The following DNAI2 variants were observed in gnomAD, a reference collection of about 807,000 sequenced individuals.
DNAI2 encodes dynein axonemal intermediate chain 2.
DNAI2 carries 63 observed loss-of-function variants against 74.7 expected under a neutral mutation model. The observed-to-expected ratio is 0.84, with a 90% CI of 0.69 to 1.04. The LOEUF is 1.04. Among genes scored for constraint, DNAI2 ranks in the 50% least tolerant of loss-of-function variants. DNAI2 has a pLI of 0.00. For missense variants in DNAI2, 688 were observed against 803.2 expected, an observed-to-expected ratio of 0.86 and a Z score of 1.73; for synonymous variants, 289 against 314.9, an observed-to-expected ratio of 0.92 and a Z score of 0.87.
chr17:74,292,415 C>CTTTTTTTTTTTTTTTTTTTTT (rs56013644), intron 6 of DNAI2, among the ~76,000 whole-genome samples: 1 of 112,922 alleles, frequency 8.9e-6, no homozygotes, highest in African/African-American at 3.4e-5. Context: ...TTTTCTTTTT[C>CTTTTTTTTTTTTTTTTTTTTT]TTTTTTTTTT....
chr17:74,296,107 T>C (rs759296220), intron 6 of DNAI2, among the ~76,000 whole-genome samples: 3 of 152,196 alleles, frequency 2.0e-5, no homozygotes, highest in Admixed American at 6.5e-5. Flanking sequence ...CCCAGGAATA[T>C]GTCAGATCTT....
intron 1 of DNAI2, among the ~76,000 whole-genome samples, chr17:74,280,842 T>C (rs1360312335): frequency 2.0e-5 from 3 of 151,948 alleles, no homozygotes; most frequent in Non-Finnish European, 4.4e-5. Flanking sequence ...ATCCCAGCAC[T>C]TTGGGAGGCT....
rs868645915 is a variant in DNAI2, at chr17:74,305,371, C to T, written c.1140C>T (p.Phe380=). ...GAAACCCCTTCTACCCGAAGAACTT[C>T]CTGACGGTTGGCGACTGGACAGCCC... is the stretch of plus-strand genomic sequence containing the variant. ...LQRNPFYPKN[F]LTVGDWTARI... Residue 380 remains phenylalanine (F), a synonymous_variant, in exon 9 of 14, where the codon TTC becomes TTT. Transcript: ENST00000311014. The T allele has an allele frequency of 3.1e-6, 5 of 1,614,192 alleles. No individual in the cohort carries two copies. Among genetic ancestry groups the T allele is most frequent in the Non-Finnish European group, 3.4e-6 (4 of 1,180,036 alleles).
intron 3 of DNAI2, 21 bp from the exon 4 acceptor site, chr17:74,286,956 C>A (rs753955995): frequency 6.2e-7 from 1 of 1,613,686 alleles, no homozygotes; most frequent in Non-Finnish European, 8.5e-7. Flanking sequence ...CTGCGGAGAA[C>A]TTCCAATGTG....
In DNAI2 at chr17:74,310,040, C is replaced by T. The variant is rs749540243; in HGVS notation, c.1371C>T (p.Cys457=). 1.2e-6 allele frequency: 2 copies of T among 1,613,932 alleles called. No homozygotes were observed. The highest frequency in any genetic ancestry group is 2.2e-5 in the South Asian group (2 of 91,086). The change falls in exon 11 of 14, where the codon TGC becomes TGT. Residue 457 remains cysteine (C), a synonymous_variant. Transcript: ENST00000311014. ...AGGTGTGTGACGAGGCCCTCTTCTG[C>T]CTCCGGGTGCAGGACAATGGGTGTC... The part of the protein sequence containing the change: ...SLKVCDEALF[C]LRVQDNGCLI...
intron 8 of DNAI2, among the ~76,000 whole-genome samples, chr17:74,302,671 C>T (rs1481774392): frequency 3.9e-5 from 6 of 152,226 alleles, no homozygotes; most frequent in Admixed American, 3.9e-4. Context: ...AAGACTTCCT[C>T]GCTAGAGTAA....
chr17:74,282,025 G>A, intron 2 of DNAI2, 25 bp downstream of exon 2: 1 of 1,613,526 alleles, frequency 6.2e-7, no homozygotes, highest in Non-Finnish European at 8.5e-7. Context: ...CAAGGGCCCT[G>A]GCCTGTCAGG....
At chr17:74,277,578 G>T (rs1343731543) in intron 1 of DNAI2, among the ~76,000 whole-genome samples, 1 of 152,130 alleles carries the variant, frequency 6.6e-6, no homozygotes, top group Non-Finnish European at 1.5e-5. Context: ...GCTGCTCCAG[G>T]GCCCAAGTTC....
chr17:74,302,120 A>G (rs868373013), intron 8 of DNAI2, among the ~76,000 whole-genome samples: 5 of 144,272 alleles, frequency 3.5e-5, no homozygotes, highest in African/African-American at 1.0e-4. Context: ...GGAAGGAAGG[A>G]AAGAAAAAGA....
Position 74,275,771 on chromosome 17 carries a change from TC to T in DNAI2, c.-12+1427del, listed in dbSNP as rs2051034768. On this transcript the variant is annotated intron_variant, in intron 1 of 13. Transcript: ENST00000311014. Reference sequence around the variant, plus strand: ...CGAGTGTGGTGGCATGCACCAGTAGTCTCAGCTACTCAGGAGACTGAGGCAC... The same window carrying T: ...CGAGTGTGGTGGCATGCACCAGTAGTTCAGCTACTCAGGAGACTGAGGCAC... Among the ~76,000 whole-genome samples, 3 of 150,774 alleles carry T rather than the reference TC, an allele frequency of 2.0e-5. No homozygotes were observed. The South Asian group carries it at 6.3e-4, about 32-fold the overall frequency.
At chr17:74,298,218 C>T (rs1262653805) in intron 6 of DNAI2, among the ~76,000 whole-genome samples, 1 of 152,264 alleles carries the variant, frequency 6.6e-6, no homozygotes, top group Admixed American at 6.5e-5. Flanking sequence ...AAGGGCCCCT[C>T]TAGGGCCATG....
At chr17:74,295,443 T>C (rs1310646593) in intron 6 of DNAI2, among the ~76,000 whole-genome samples, 2 of 152,126 alleles carry the variant, frequency 1.3e-5, no homozygotes, top group Non-Finnish European at 2.9e-5. Flanking sequence ...TTTGTATCTT[T>C]TATTTGGTGA....
At chr17:74,290,231 G>T (rs918514416) in intron 5 of DNAI2, among the ~76,000 whole-genome samples, 1 of 152,274 alleles carries the variant, frequency 6.6e-6, no homozygotes, top group African/African-American at 2.4e-5. Flanking sequence ...CAGGAGAATC[G>T]CTTGAACCCA....
chr17:74,274,548 C>T (rs952767307), intron 1 of DNAI2, among the ~76,000 whole-genome samples: 1 of 152,128 alleles, frequency 6.6e-6, no homozygotes, highest in Non-Finnish European at 1.5e-5. Context: ...GCCCTGGATC[C>T]GCCCCAAGTC....
At position 74,305,345 on chromosome 17, in the gene DNAI2, A is replaced by T. The variant is rs1478493146; in HGVS notation, c.1114A>T (p.Arg372Ter). The T allele has an allele frequency of 1.2e-6, 2 of 1,614,068 alleles. No individual in the cohort carries two copies. Among genetic ancestry groups the T allele is most frequent in the Non-Finnish European group, 1.7e-6 (2 of 1,180,046 alleles). Residue 372 changes from arginine to a stop codon, truncating the protein, a stop_gained, in exon 9 of 14, where the codon AGA (arginine) becomes TGA (stop). Transcript: ENST00000311014. LOFTEE classifies it high-confidence loss of function. ...GHHGPIYALQ[R>*]NPFYPKNFLT... ...TCATGGCCCCATCTACGCCCTCCAG[A>T]GAAACCCCTTCTACCCGAAGAACTT...
intron 6 of DNAI2, among the ~76,000 whole-genome samples, chr17:74,296,818 ATG>A (rs972369775): frequency 6.6e-6 from 1 of 152,152 alleles, no homozygotes; most frequent in African/African-American, 2.4e-5. Context: ...GGAGTGCAGA[ATG>A]TGAATTTTCA....
intron 8 of DNAI2, among the ~76,000 whole-genome samples, chr17:74,302,092 AAGGAAGGAAGG>A (rs1385624653): frequency 7.7e-6 from 1 of 129,216 alleles, no homozygotes; most frequent in Non-Finnish European, 1.7e-5. Context: ...GGAAGGAAGG[AAGGAAGGAAGG>A]AAGGAAGGAA....
Position 74,289,520 on chromosome 17 carries a change from C to CA in DNAI2, c.468-60dup, listed in dbSNP as rs35159044. ...GGGGACAGAGCAAGACTCCATCTGA[C>CA]AAAAAAAAAAAAAAGGGGGAGAAAT... On this transcript the variant is annotated intron_variant, in intron 4 of 13. Transcript: ENST00000311014. 188,409 of 1,403,042 alleles carry CA rather than the reference C, an allele frequency of 0.13. 1,548 individuals are homozygous for CA. The highest frequency in any genetic ancestry group is 0.14 in the African/African-American group (9,231 of 63,696). 86.9% of individuals were successfully genotyped at this position (1,403,042 alleles called of 1,614,324 possible).
intron 8 of DNAI2, 113 bp from the exon 9 acceptor site, chr17:74,305,106 C>T: frequency 1.9e-6 from 2 of 1,079,574 alleles, no homozygotes; most frequent in Admixed American, 3.9e-5. Flanking sequence ...AAGGCTTGAT[C>T]TGAGGGCCTT....
Sources: gnomAD v4.1 joint callset for allele counts (sites outside exome capture counted in the v4.1 genomes callset) on GRCh38, gnomAD v4.1.1 for gene constraint, MANE v1.5 for transcripts, NCBI Gene and HGNC (gene_info 2026-07-23, HGNC 2026-07-21) for gene names.